TAFA2: variants seen among roughly 807,000 people sequenced by gnomAD.
TAFA2 encodes the protein TAFA chemokine like family member 2, also known as chemokine-like protein TAFA-2.
TAFA2 carries 7 observed loss-of-function variants against 18.8 expected under a neutral mutation model. That is an observed-to-expected ratio of 0.37 (90% CI 0.21 to 0.70). The LOEUF (loss-of-function observed/expected upper bound fraction) is 0.70. TAFA2 is among the 30% of genes least tolerant of loss of function. The pLI is 0.53. For synonymous variants in TAFA2, 60 were observed against 54.2 expected, an observed-to-expected ratio of 1.11 and a Z score of -0.47; for missense variants, 122 against 158.1, an observed-to-expected ratio of 0.77 and a Z score of 1.23.
intron 1 of TAFA2, among the ~76,000 whole-genome samples, chr12:62,080,095 T>G (rs1000802918): frequency 3.9e-5 from 6 of 152,224 alleles, no homozygotes; most frequent in African/African-American, 7.2e-5. Flanking sequence ...GTTGTAGAAC[T>G]GTGGTCCCCA....
At chr12:62,093,040 T>C (rs748569719) in intron 1 of TAFA2, among the ~76,000 whole-genome samples, 8 of 152,090 alleles carry the variant, frequency 5.3e-5, no homozygotes, top group Non-Finnish European at 1.0e-4. Context: ...ATCTTCTTTA[T>C]AATCAATACA....
At chr12:61,762,589 TA>T (rs1490541566) in intron 2 of TAFA2, among the ~76,000 whole-genome samples, 1 of 151,178 alleles carries the variant, frequency 6.6e-6, no homozygotes, top group Admixed American at 6.6e-5. Context: ...AAGTGGCTGT[TA>T]GGGGAAGTTA....
intron 1 of TAFA2, among the ~76,000 whole-genome samples, chr12:62,128,838 A>G (rs546413000): frequency 6.6e-6 from 1 of 152,222 alleles, no homozygotes; most frequent in Non-Finnish European, 1.5e-5. Flanking sequence ...TCAGGGTCAC[A>G]TAACAGGCAG....
chr12:62,155,638 C>T (rs2136924405), intron 1 of TAFA2, among the ~76,000 whole-genome samples: 1 of 152,172 alleles, frequency 6.6e-6, no homozygotes, highest in East Asian at 1.9e-4. Context: ...AAAATAAACC[C>T]AAATACTTAC....
intron 1 of TAFA2, among the ~76,000 whole-genome samples, chr12:61,915,030 G>A (rs955667393): frequency 3.9e-5 from 6 of 152,002 alleles, no homozygotes; most frequent in Non-Finnish European, 5.9e-5. Context: ...GCTTGGTGGT[G>A]GACACCTGTA....
chr12:62,145,650 G>A (rs1293887989), intron 1 of TAFA2: 4 of 152,202 alleles, frequency 2.6e-5, no homozygotes, highest in African/African-American at 9.7e-5. Context: ...GCCTATTCAG[G>A]AGAAAGAGAG....
chr12:61,948,238 G>A (rs1878348404), intron 1 of TAFA2, among the ~76,000 whole-genome samples: 1 of 152,002 alleles, frequency 6.6e-6, no homozygotes, highest in African/African-American at 2.4e-5. Flanking sequence ...TACTATTATT[G>A]CCATTCCTCA....
intron 1 of TAFA2, among the ~76,000 whole-genome samples, chr12:62,224,219 TCATAAG>T (rs745690152): frequency 6.6e-6 from 1 of 152,026 alleles, no homozygotes; most frequent in Non-Finnish European, 1.5e-5. Context: ...TACAAATGCT[TCATAAG>T]CATAAGCATT....
At chr12:61,952,321 T>A (rs1239624126) in intron 1 of TAFA2, among the ~76,000 whole-genome samples, 1 of 152,166 alleles carries the variant, frequency 6.6e-6, no homozygotes, top group Non-Finnish European at 1.5e-5. Context: ...GCTATGAGAC[T>A]TTCAATGACA....
At chr12:61,711,257 G>A (rs1260847608) in intron 4 of TAFA2, among the ~76,000 whole-genome samples, 1 of 151,732 alleles carries the variant, frequency 6.6e-6, no homozygotes, top group Non-Finnish European at 1.5e-5. Context: ...GAAGAAGAGA[G>A]AGGGAGAAGG....
At chr12:61,904,800 G>A (rs1365797148) in intron 1 of TAFA2, among the ~76,000 whole-genome samples, 2 of 151,938 alleles carry the variant, frequency 1.3e-5, no homozygotes, top group Non-Finnish European at 2.9e-5. Context: ...TATTGATTTG[G>A]GCATAAAATG....
intron 1 of TAFA2, among the ~76,000 whole-genome samples, chr12:62,203,662 CT>C (rs936227825): frequency 3.7e-4 from 57 of 152,078 alleles, no homozygotes; most frequent in African/African-American, 1.3e-3. Context: ...GCAACCCCTG[CT>C]TTTTTTGGCT....
At chr12:61,929,449 A>T (rs995845213) in intron 1 of TAFA2, among the ~76,000 whole-genome samples, 4 of 152,174 alleles carry the variant, frequency 2.6e-5, no homozygotes, top group Non-Finnish European at 4.4e-5. Flanking sequence ...TCAAAACCAC[A>T]ATGAGATACC....
chr12:61,753,864 T>C (rs1869137342), intron 3 of TAFA2, 118 bp from the exon 4 acceptor site: 2 of 726,636 alleles, frequency 2.8e-6, no homozygotes, highest in Admixed American at 2.8e-5. Flanking sequence ...TACAGGTATT[T>C]GAGGTATGCC....
At chr12:61,722,100 T>A (rs1869931985) in intron 4 of TAFA2, among the ~76,000 whole-genome samples, 1 of 152,188 alleles carries the variant, frequency 6.6e-6, no homozygotes, top group Non-Finnish European at 1.5e-5. Flanking sequence ...ATAAATCGTA[T>A]GTAAATTGGC....
chr12:61,762,452 C>T (rs1326686562), intron 2 of TAFA2, among the ~76,000 whole-genome samples: 1 of 151,776 alleles, frequency 6.6e-6, no homozygotes, highest in Non-Finnish European at 1.5e-5. Context: ...TTATGAAGAC[C>T]AAATGAGATA....
At chr12:61,766,533 C>T (rs533184381) in intron 2 of TAFA2, among the ~76,000 whole-genome samples, 2 of 152,168 alleles carry the variant, frequency 1.3e-5, no homozygotes, top group South Asian at 4.1e-4. Context: ...CCATTCCCTG[C>T]TCTGATTAAC....
chr12:61,790,884 A>G (rs1199888194), intron 2 of TAFA2, among the ~76,000 whole-genome samples: 1 of 151,848 alleles, frequency 6.6e-6, no homozygotes, highest in Admixed American at 6.6e-5. Flanking sequence ...GAATGAAACC[A>G]CAAAAGACCC....
intron 2 of TAFA2, among the ~76,000 whole-genome samples, chr12:61,792,321 T>A (rs139797414): frequency 2.2e-3 from 335 of 151,618 alleles, no homozygotes; most frequent in African/African-American, 7.2e-3. Flanking sequence ...AGCCCTGGTG[T>A]TTTATTGCAC....
Sources: gnomAD v4.1 joint callset for allele counts (sites outside exome capture counted in the v4.1 genomes callset) on GRCh38, gnomAD v4.1.1 for gene constraint, MANE v1.5 for transcripts, NCBI Gene and HGNC (gene_info 2026-07-23, HGNC 2026-07-21) for gene names.